The following AGMO variants were observed in gnomAD, a reference collection of about 807,000 sequenced individuals.
AGMO encodes glyceryl-ether monooxygenase.
Under a neutral mutation model 60.2 loss-of-function variants are expected in AGMO, and 75 were observed. The observed-to-expected ratio is 1.25, with a 90% confidence interval of 1.03 to 1.51. The LOEUF is 1.51. Ranked by LOEUF, AGMO falls within the 40% of genes most tolerant of loss-of-function variation. The probability of loss-of-function intolerance (pLI) is 0.00; values close to 1 mark genes in which losing one functional copy is unlikely to be tolerated. For missense variants in AGMO, 763 were observed against 525.5 expected (o/e 1.45, Z -4.42); for synonymous variants, 261 against 177.1 (o/e 1.47, Z -3.76).
At chr7:15,424,879 T>G (rs1341971764) in intron 4 of AGMO, among the ~76,000 whole-genome samples, 1 of 152,224 alleles carries the variant, frequency 6.6e-6, no homozygotes, top group African/African-American at 2.4e-5. Flanking sequence ...AGTTGTTAGT[T>G]TCTTGTATCT....
At position 15,373,641 on chromosome 7, in the gene AGMO, A is replaced by G. The variant is rs1312624691; in HGVS notation, c.1075-7419T>C. 7.9e-5 allele frequency among the ~76,000 whole-genome samples: 12 copies of G among 152,246 alleles called. No homozygotes were observed. In the East Asian group the frequency reaches 2.1e-3, roughly 27 times the overall value. On this transcript the variant is annotated intron_variant, in intron 10 of 12. Coordinates refer to ENST00000342526, the MANE Select transcript of AGMO (RefSeq NM_001004320.2). ...ATTTCTCCACCAAACAAACCTCACA[A>G]AGGAGGTATCAAACTCAGTCACTAC... is the stretch of plus-strand genomic sequence containing the variant.
chr7:15,246,362 ATT>A (rs1056506692), intron 12 of AGMO, among the ~76,000 whole-genome samples: 1 of 152,194 alleles, frequency 6.6e-6, no homozygotes, highest in African/African-American at 2.4e-5. Context: ...TGTTTTATAT[ATT>A]GACATTTTGG....
intron 12 of AGMO, among the ~76,000 whole-genome samples, chr7:15,231,347 C>T (rs907098066): frequency 2.6e-5 from 4 of 152,274 alleles, no homozygotes; most frequent in African/African-American, 7.2e-5. Context: ...TGCTTCTATA[C>T]TTATCTCTCA....
chr7:15,123,789 A>C, the AGMO span, among the ~76,000 whole-genome samples: 1 of 152,106 alleles, frequency 6.6e-6, no homozygotes, highest in Non-Finnish European at 1.5e-5. Context: ...AAGTAATTTA[A>C]TTGACTCAGG....
chr7:15,242,035 G>C (rs1240219852), intron 12 of AGMO, among the ~76,000 whole-genome samples: 3 of 152,046 alleles, frequency 2.0e-5, no homozygotes, highest in Non-Finnish European at 4.4e-5. Flanking sequence ...TGGAATCTCT[G>C]AGACATCCTC....
Position 15,220,422 on chromosome 7 carries a change from T to C in AGMO, c.1264-19063A>G, listed in dbSNP as rs1017090246. On this transcript the variant is annotated intron_variant, in intron 12 of 12. Transcript: ENST00000342526. ...TTAGTAGAGACTGGGTTTCAATGTG[T>C]TTCCCAGGTTGATCTCGAACTCTGA... Among the ~76,000 whole-genome samples, 10 of 151,648 alleles carry C rather than the reference T, an allele frequency of 6.6e-5. No homozygotes were observed. The South Asian group carries it at 1.0e-3, about 16-fold the overall frequency.
At chr7:15,301,088 T>G (rs766079610) in intron 12 of AGMO, among the ~76,000 whole-genome samples, 24 of 152,164 alleles carry the variant, frequency 1.6e-4, no homozygotes, top group Non-Finnish European at 2.9e-4. Context: ...ATTTATATTA[T>G]TTCAGTGATT....
Position 15,530,680 on chromosome 7 carries a change from C to A in AGMO, c.409+14092G>T, listed in dbSNP as rs1389636739. Among the ~76,000 whole-genome samples, 20 of 135,950 alleles carry A rather than the reference C, an allele frequency of 1.5e-4. No homozygotes were observed. The Admixed American group carries it at 1.6e-3, about 11-fold the overall frequency. The allele number at this position is 135,950 out of a possible 152,430, so 89.2% of individuals were successfully genotyped here. ...ATATACGTATTTCTATATATATATT[C>A]TATATATGTATTTCTACATATATTC... On this transcript the variant is annotated intron_variant, in intron 3 of 12. Coordinates refer to ENST00000342526, the MANE Select transcript of AGMO (RefSeq NM_001004320.2).
At chr7:15,313,609 G>A (rs1780829882) in intron 12 of AGMO, among the ~76,000 whole-genome samples, 1 of 152,034 alleles carries the variant, frequency 6.6e-6, no homozygotes, top group Non-Finnish European at 1.5e-5. Flanking sequence ...AAACAGAAAG[G>A]AGAGAGATAA....
At chr7:15,389,685 T>G (rs1192407341) in intron 8 of AGMO, among the ~76,000 whole-genome samples, 1 of 152,188 alleles carries the variant, frequency 6.6e-6, no homozygotes, top group East Asian at 1.9e-4. Context: ...CAATCCACCT[T>G]GGTTAAGTTT....
rs867358394 is a variant in AGMO at position 15,523,085 on chromosome 7, T to C, written c.409+21687A>G. Among the ~76,000 whole-genome samples the C allele has an allele frequency of 2.6e-5, 4 of 152,092 alleles. 1 individual carries two copies. Among genetic ancestry groups the C allele is most frequent in the East Asian group, 1.9e-4 (1 of 5,194 alleles). ...GACATTTATGCGGCCAACAAACATA[T>C]GAAAAACAGTTCATCATCACTGGTC... is the stretch of plus-strand genomic sequence containing the variant. On this transcript the variant is annotated intron_variant, in intron 3 of 12. Transcript: ENST00000342526.
intron 12 of AGMO, among the ~76,000 whole-genome samples, chr7:15,244,146 TA>T (rs1782672991): frequency 6.6e-6 from 1 of 151,354 alleles, no homozygotes; most frequent in South Asian, 2.1e-4. Flanking sequence ...GAAGGGAAAA[TA>T]AAAATGCATA....
chr7:15,543,767 C>A (rs182811377), intron 3 of AGMO, among the ~76,000 whole-genome samples: 2 of 151,890 alleles, frequency 1.3e-5, no homozygotes, highest in East Asian at 3.9e-4. Flanking sequence ...ATAATGATTT[C>A]TTTTCCTCTG....
At chr7:15,138,478 A>C in the AGMO span, among the ~76,000 whole-genome samples, 8 of 152,214 alleles carry the variant, frequency 5.3e-5, no homozygotes, top group Non-Finnish European at 1.0e-4. Context: ...CTGCTGAATC[A>C]GTATTCATCA....
chr7:15,130,206 T>C, the AGMO span, among the ~76,000 whole-genome samples: 2 of 152,136 alleles, frequency 1.3e-5, no homozygotes, highest in Non-Finnish European at 2.9e-5. Flanking sequence ...ATTTTCAAAT[T>C]ATTATGATAA....
the AGMO span, among the ~76,000 whole-genome samples, chr7:15,178,710 T>C: frequency 1.3e-5 from 2 of 152,164 alleles, no homozygotes; most frequent in South Asian, 2.1e-4. Context: ...ATTTTGCAAG[T>C]AGTAAATACC....
intron 3 of AGMO, among the ~76,000 whole-genome samples, chr7:15,534,833 G>A (rs1302011374): frequency 6.6e-6 from 1 of 151,658 alleles, no homozygotes; most frequent in Non-Finnish European, 1.5e-5. Flanking sequence ...CTGAATTTTG[G>A]TAAGGCAATT....
intron 12 of AGMO, among the ~76,000 whole-genome samples, chr7:15,312,621 C>A (rs1583394441): frequency 6.6e-6 from 1 of 151,982 alleles, no homozygotes; most frequent in African/African-American, 2.4e-5. Context: ...AGTTGTGAAT[C>A]AAAGTATTTT....
chr7:15,252,603 T>C (rs1197213292), intron 12 of AGMO, among the ~76,000 whole-genome samples: 3 of 152,116 alleles, frequency 2.0e-5, no homozygotes, highest in South Asian at 2.1e-4. Flanking sequence ...AGCTAGGAAA[T>C]AGATCCATCC....
Sources: gnomAD v4.1 joint callset for allele counts (sites outside exome capture counted in the v4.1 genomes callset) on GRCh38, gnomAD v4.1.1 for gene constraint, MANE v1.5 for transcripts, NCBI Gene and HGNC (gene_info 2026-07-23, HGNC 2026-07-21) for gene names.